The following ZNF577 variants were observed in gnomAD, a reference collection of about 807,000 sequenced individuals.
ZNF577 encodes the protein zinc finger protein 577.
ZNF577 carries 14 observed loss-of-function variants against 13.9 expected under a neutral mutation model. The ratio of observed to expected loss-of-function variants is 1.00; its 90% confidence interval spans 0.66 to 1.57. The LOEUF is 1.57. Ranked by LOEUF, ZNF577 falls within the 40% of genes most tolerant of loss-of-function variation. The pLI is 0.00. For missense variants in ZNF577, 555 were observed against 579.2 expected, an observed-to-expected ratio of 0.96 and a Z score of 0.43; for synonymous variants, 203 against 202.9, an observed-to-expected ratio of 1.00 and a Z score of 0.00.
intron 5 of ZNF577, among the ~76,000 whole-genome samples, chr19:51,853,817 G>A (rs917308066): frequency 5.3e-5 from 8 of 152,142 alleles, no homozygotes; most frequent in African/African-American, 1.9e-4. Flanking sequence ...GATTGACATC[G>A]TGAAGGTGTT....
At chr19:51,878,548 G>C in intron 3 of ZNF577, 33 bp from the exon 4 acceptor site, 2 of 1,611,648 alleles carry the variant, frequency 1.2e-6, no homozygotes, top group Non-Finnish European at 8.5e-7. Flanking sequence ...ATCTGAGGTG[G>C]ATAACAATAG....
chr19:51,838,229 A>G (rs572647914), intron 9 of ZNF577, among the ~76,000 whole-genome samples: 41 of 152,348 alleles, frequency 2.7e-4, no homozygotes, highest in Non-Finnish European at 3.1e-4. Flanking sequence ...GTATCCACAT[A>G]TAAGTGCATA....
intron 5 of ZNF577, among the ~76,000 whole-genome samples, chr19:51,853,869 G>C (rs1437895822): frequency 6.6e-6 from 1 of 152,128 alleles, no homozygotes; most frequent in Non-Finnish European, 1.5e-5. Flanking sequence ...TCCAAGTTGA[G>C]GTATTTGGGA....
chr19:51,858,399 A>C (rs2084460909), intron 5 of ZNF577, among the ~76,000 whole-genome samples: 1 of 152,210 alleles, frequency 6.6e-6, no homozygotes, highest in Non-Finnish European at 1.5e-5. Context: ...CTCATGCACC[A>C]GGGTGAATAG....
At chr19:51,883,710 C>T (rs1279893273) in intron 1 of ZNF577, among the ~76,000 whole-genome samples, 1 of 152,072 alleles carries the variant, frequency 6.6e-6, no homozygotes, top group Non-Finnish European at 1.5e-5. Context: ...ATGATTCAAA[C>T]AATCCAATGT....
Position 51,873,386 on chromosome 19 carries a change from T to C in ZNF577, c.604A>G (p.Thr202Ala), listed in dbSNP as rs768935417. 1 of 1,614,262 alleles carries C rather than the reference T, an allele frequency of 6.2e-7. No individual in the cohort carries two copies. Among genetic ancestry groups the C allele is most frequent in the South Asian group, 1.1e-5 (1 of 91,086 alleles). The change falls in exon 6 of 6, where the codon ACT (threonine) becomes GCT (alanine). Residue 202 changes from threonine to alanine, a missense_variant. Coordinates refer to ENST00000638348, the MANE Select transcript of ZNF577 (RefSeq NM_001370449.1). ...CCTGTGTGAGTTCTCTGATGCTCAG[T>C]GAGCTGAATCTTCCTCATGAATGTT... ...GKTFMRKIQL[T>A]EHQRTHTGEK...
At chr19:51,849,564 A>T (rs1395857262) in intron 5 of ZNF577, among the ~76,000 whole-genome samples, 1 of 152,198 alleles carries the variant, frequency 6.6e-6, no homozygotes, top group African/African-American at 2.4e-5. Flanking sequence ...CCTGCCCACT[A>T]CAGAACTGTG....
chr19:51,878,422 T>C lies in ZNF577; in HGVS notation c.154A>G (p.Met52Val). The change falls in exon 4 of 6, where the codon ATG becomes GTG. Residue 52 changes from methionine to valine, a missense_variant. Coordinates refer to ENST00000638348, the MANE Select transcript of ZNF577 (RefSeq NM_001370449.1). ...QSQKVLYKEVMLENYINLVSI... is the reference protein window; with the variant it reads ...QSQKVLYKEVVLENYINLVSI... ...ACTAGGTTGATGTAGTTCTCCAACA[T>C]TACTTCCTTGTACAAGACCTTCTGA... is the stretch of plus-strand genomic sequence containing the variant. 2.5e-6 allele frequency: 4 copies of C among 1,614,136 alleles called. No individual in the cohort carries two copies. The South Asian group carries it at 4.4e-5, about 18-fold the overall frequency.
At chr19:51,848,343 A>T (rs976092213) in intron 5 of ZNF577, among the ~76,000 whole-genome samples, 1 of 152,160 alleles carries the variant, frequency 6.6e-6, no homozygotes, top group Non-Finnish European at 1.5e-5. Context: ...GAAGGGAGGG[A>T]GAATTAGGAA....
chr19:51,809,064 T>C (rs1295562326), intron 10 of ZNF577, among the ~76,000 whole-genome samples: 1 of 152,242 alleles, frequency 6.6e-6, no homozygotes, highest in Non-Finnish European at 1.5e-5. Flanking sequence ...AGGATTTCCT[T>C]GAAGAAATTT....
At chr19:51,823,947 C>T in intron 9 of ZNF577, 4 of 1,614,100 alleles carry the variant, frequency 2.5e-6, no homozygotes, top group Non-Finnish European at 3.4e-6. Context: ...TTACCTGAAC[C>T]TGGCCCTAGC....
intron 9 of ZNF577, chr19:51,825,085 G>A: frequency 3.0e-6 from 1 of 333,072 alleles, no homozygotes; most frequent in Non-Finnish European, 5.8e-6. Flanking sequence ...CTCCAGTTGA[G>A]ACACAAGTCA....
At chr19:51,881,924 G>A (rs1180602812) in intron 1 of ZNF577, among the ~76,000 whole-genome samples, 1 of 152,096 alleles carries the variant, frequency 6.6e-6, no homozygotes, top group East Asian at 1.9e-4. Flanking sequence ...TGTCATCCCA[G>A]CAAGTCATTC....
chr19:51,842,998 C>A (rs1599849579), intron 7 of ZNF577: 2 of 152,178 alleles, frequency 1.3e-5, no homozygotes, highest in Non-Finnish European at 2.9e-5. Context: ...CAGTATACAT[C>A]TCAGCAGAAC....
At chr19:51,879,889 T>C (rs2084833671) in intron 3 of ZNF577, among the ~76,000 whole-genome samples, 1 of 152,220 alleles carries the variant, frequency 6.6e-6, no homozygotes, top group Non-Finnish European at 1.5e-5. Flanking sequence ...GCTTTGTTTT[T>C]TGAACCTGGA....
chr19:51,887,024 G>A lies in ZNF577; in HGVS notation c.-422C>T, dbSNP rs980115560. On this transcript the variant is annotated 5_prime_UTR_variant, in exon 1 of 6. Coordinates refer to ENST00000638348, the MANE Select transcript of ZNF577 (RefSeq NM_001370449.1). Reference sequence around the variant, plus strand: ...TGTTCTTGTCAACTAAGTAAAATTAGGAACAAAAAAGGAAAGGGGGAGGGG... The same window carrying A: ...TGTTCTTGTCAACTAAGTAAAATTAAGAACAAAAAAGGAAAGGGGGAGGGG... 2 of 151,620 alleles carry A rather than the reference G, an allele frequency of 1.3e-5. No individual in the cohort carries two copies. The highest frequency in any genetic ancestry group is 2.9e-5 in the Non-Finnish European group (2 of 67,920). The allele number at this position is 151,620 out of a possible 1,614,324, so 9.4% of individuals were successfully genotyped here.
chr19:51,833,067 TTTGC>T (rs1265288024), intron 9 of ZNF577, among the ~76,000 whole-genome samples: 5 of 152,232 alleles, frequency 3.3e-5, no homozygotes, highest in African/African-American at 1.2e-4. Flanking sequence ...AATCTATGGA[TTTGC>T]TTGAAGAAGA....
chr19:51,852,413 C>T (rs2084383418), intron 5 of ZNF577, among the ~76,000 whole-genome samples: 1 of 152,188 alleles, frequency 6.6e-6, no homozygotes, highest in Non-Finnish European at 1.5e-5. Flanking sequence ...TTTCCGTGAT[C>T]CCACCTATCT....
chr19:51,872,451 C>T lies in ZNF577; in HGVS notation c.*81G>A. 8.4e-7 allele frequency: 1 copy of T among 1,190,968 alleles called. No homozygotes were observed. The highest frequency in any genetic ancestry group is 1.1e-6 in the Non-Finnish European group (1 of 872,736). 73.8% of individuals were successfully genotyped at this position (1,190,968 alleles called of 1,614,324 possible). On this transcript the variant is annotated 3_prime_UTR_variant, in exon 6 of 6. Transcript: ENST00000638348. ...CACAACCACTGCCTCCACAGTGTTT[C>T]AGCCCTAAATGAGCTCTCTGGGATA...
Sources: allele counts gnomAD v4.1 joint callset (sites outside exome capture counted in the v4.1 genomes callset), GRCh38; gene constraint gnomAD v4.1.1; transcripts MANE v1.5; gene names NCBI Gene and HGNC (gene_info 2026-07-23, HGNC 2026-07-21).